Variants in SNTG1 observed in about 807,000 individuals in gnomAD.
SNTG1 encodes gamma-1-syntrophin.
Under a neutral mutation model 74.7 loss-of-function variants are expected in SNTG1, and 39 were observed. The ratio of observed to expected loss-of-function variants is 0.52; its 90% CI spans 0.40 to 0.68. SNTG1 has a LOEUF of 0.68. Among genes scored for constraint, SNTG1 ranks in the 30% least tolerant of loss-of-function variants. The probability of loss-of-function intolerance (pLI) is 0.00; values close to 1 mark genes in which losing one functional copy is unlikely to be tolerated. For missense variants in SNTG1, 685 were observed against 609.5 expected (o/e 1.12, Z -1.30); for synonymous variants, 254 against 217.1 (o/e 1.17, Z -1.49).
At chr8:50,026,392 G>T (rs1817265841) in intron 1 of SNTG1, among the ~76,000 whole-genome samples, 1 of 152,090 alleles carries the variant, frequency 6.6e-6, no homozygotes. Context: ...TATTTTTCCT[G>T]TTCTAATTGT....
At chr8:50,270,166 T>C (rs2087704672) in intron 2 of SNTG1, among the ~76,000 whole-genome samples, 1 of 152,106 alleles carries the variant, frequency 6.6e-6, no homozygotes, top group South Asian at 2.1e-4. Flanking sequence ...AGCTATAATA[T>C]ATGATGACAG....
intron 18 of SNTG1, among the ~76,000 whole-genome samples, chr8:50,763,648 T>TTTTGTG (rs1554629240): frequency 8.5e-6 from 1 of 117,096 alleles, no homozygotes; most frequent in Non-Finnish European, 1.7e-5. Flanking sequence ...ATTGCCTTTA[T>TTTTGTG]TGTGTGTGTG....
At chr8:50,403,500 T>C (rs537512838) in intron 4 of SNTG1, among the ~76,000 whole-genome samples, 15 of 152,184 alleles carry the variant, frequency 9.9e-5, no homozygotes, top group Non-Finnish European at 2.2e-4. Flanking sequence ...ACATGAGTCA[T>C]ATAACCCTCT....
At chr8:50,132,783 C>T (rs1250913606) in intron 1 of SNTG1, among the ~76,000 whole-genome samples, 2 of 152,108 alleles carry the variant, frequency 1.3e-5, no homozygotes, top group Non-Finnish European at 2.9e-5. Context: ...GTATAAAATT[C>T]TCAAAAGCCT....
chr8:50,085,420 G>A (rs1822790924), intron 1 of SNTG1, among the ~76,000 whole-genome samples: 1 of 152,162 alleles, frequency 6.6e-6, no homozygotes, highest in African/African-American at 2.4e-5. Flanking sequence ...CCTGGATAAT[G>A]CAAACAAAAT....
intron 1 of SNTG1, among the ~76,000 whole-genome samples, chr8:50,060,374 G>T (rs1820368153): frequency 6.6e-6 from 1 of 152,026 alleles, no homozygotes; most frequent in South Asian, 2.1e-4. Context: ...TTTTGATGAA[G>T]TCCAGCTTTT....
At chr8:50,246,158 G>T (rs1006875745) in intron 2 of SNTG1, among the ~76,000 whole-genome samples, 3 of 150,846 alleles carry the variant, frequency 2.0e-5, no homozygotes, top group Non-Finnish European at 4.4e-5. Context: ...TGGGTAAGTA[G>T]ATATTGTCTG....
chr8:50,433,543 C>A (rs2093266900), intron 4 of SNTG1, among the ~76,000 whole-genome samples: 1 of 150,434 alleles, frequency 6.6e-6, no homozygotes, highest in Non-Finnish European at 1.5e-5. Flanking sequence ...GAAAGAACAG[C>A]AGAGATCAGA....
chr8:50,689,858 G>T (rs2095369784), intron 15 of SNTG1, among the ~76,000 whole-genome samples: 1 of 152,176 alleles, frequency 6.6e-6, no homozygotes, highest in Admixed American at 6.5e-5. Context: ...GTAGAATACG[G>T]CTGTGAATCC....
intron 12 of SNTG1, 89 bp downstream of exon 12, chr8:50,553,268 G>T (rs1329275225): frequency 4.0e-6 from 6 of 1,506,174 alleles, no homozygotes; most frequent in Non-Finnish European, 5.4e-6. Flanking sequence ...TCAACTGTTT[G>T]GTGTTCTTCT....
At chr8:50,430,250 C>CA (rs1225017754) in intron 4 of SNTG1, among the ~76,000 whole-genome samples, 1 of 152,022 alleles carries the variant, frequency 6.6e-6, no homozygotes, top group South Asian at 2.1e-4. Context: ...AATTATATCT[C>CA]AAAAAATATA....
chr8:50,103,595 A>G (rs962298015), intron 1 of SNTG1, among the ~76,000 whole-genome samples: 3 of 152,132 alleles, frequency 2.0e-5, no homozygotes, highest in African/African-American at 7.2e-5. Flanking sequence ...TTCCAACACT[A>G]TGTTGAATAG....
At chr8:50,065,616 ATAT>A (rs1220465388) in intron 1 of SNTG1, among the ~76,000 whole-genome samples, 1 of 152,184 alleles carries the variant, frequency 6.6e-6, no homozygotes, top group Non-Finnish European at 1.5e-5. Context: ...GTTTCAGGAA[ATAT>A]TATAGACGTT....
chr8:50,011,475 G>C (rs1454458790), intron 1 of SNTG1, among the ~76,000 whole-genome samples: 1 of 152,054 alleles, frequency 6.6e-6, no homozygotes, highest in African/African-American at 2.4e-5. Context: ...GAGGGAGTTT[G>C]ATGAAGTTAT....
At chr8:50,467,524 C>G (rs1369379687) in intron 8 of SNTG1, among the ~76,000 whole-genome samples, 1 of 151,692 alleles carries the variant, frequency 6.6e-6, no homozygotes, top group Non-Finnish European at 1.5e-5. Context: ...GTATCTTTCT[C>G]TCTTTATTTC....
intron 2 of SNTG1, among the ~76,000 whole-genome samples, chr8:50,331,980 T>C (rs2090983201): frequency 6.6e-6 from 1 of 152,226 alleles, no homozygotes; most frequent in Non-Finnish European, 1.5e-5. Flanking sequence ...TTTTGTTTTT[T>C]AAAATTATAG....
At chr8:50,204,048 A>G (rs967488797) in intron 2 of SNTG1, among the ~76,000 whole-genome samples, 9 of 152,112 alleles carry the variant, frequency 5.9e-5, no homozygotes, top group Non-Finnish European at 1.3e-4. Flanking sequence ...TTTAGTAGAT[A>G]CATTTTGTAT....
At chr8:49,961,779 T>G (rs1166950388) in intron 1 of SNTG1, among the ~76,000 whole-genome samples, 1 of 152,168 alleles carries the variant, frequency 6.6e-6, no homozygotes, top group African/African-American at 2.4e-5. Flanking sequence ...CACATTTACC[T>G]CGTAAATTTG....
At chr8:50,605,157 A>G (rs999330885) in intron 13 of SNTG1, among the ~76,000 whole-genome samples, 1 of 152,150 alleles carries the variant, frequency 6.6e-6, no homozygotes, top group Non-Finnish European at 1.5e-5. Flanking sequence ...TCCTGTCTTG[A>G]AGCAGAATGA....
Sources: gnomAD v4.1 joint callset for allele counts (sites outside exome capture counted in the v4.1 genomes callset) on GRCh38, gnomAD v4.1.1 for gene constraint, MANE v1.5 for transcripts, NCBI Gene and HGNC (gene_info 2026-07-23, HGNC 2026-07-21) for gene names.